CSMD1: variants seen among roughly 807,000 people sequenced by gnomAD.
The protein encoded by CSMD1 is CUB and sushi domain-containing protein 1.
Under a neutral mutation model 417.5 loss-of-function variants are expected in CSMD1, and 213 were observed. The ratio of observed to expected loss-of-function variants is 0.51; its 90% confidence interval spans 0.46 to 0.57. CSMD1 has a LOEUF of 0.57. Among genes scored for constraint, CSMD1 ranks in the 20% least tolerant of loss-of-function variants. The pLI is 0.00. For missense variants in CSMD1, 6,923 were observed against 4,529.7 expected (o/e 1.53, Z -15.17); for synonymous variants, 2,862 against 1,736.8 (o/e 1.65, Z -16.11).
intron 26 of CSMD1, among the ~76,000 whole-genome samples, chr8:3,267,864 G>T (rs979982807): frequency 1.3e-5 from 2 of 152,100 alleles, no homozygotes; most frequent in East Asian, 1.9e-4. Context: ...CCCTGGCAGG[G>T]CCATAGGGAC....
intron 10 of CSMD1, among the ~76,000 whole-genome samples, chr8:3,529,915 G>C (rs998078424): frequency 6.6e-6 from 1 of 152,162 alleles, no homozygotes; most frequent in Non-Finnish European, 1.5e-5. Flanking sequence ...GGCCTTTCTA[G>C]TCATAGAATC....
At chr8:3,243,561 C>G (rs1038743662) in intron 26 of CSMD1, among the ~76,000 whole-genome samples, 2 of 151,880 alleles carry the variant, frequency 1.3e-5, no homozygotes, top group African/African-American at 4.8e-5. Context: ...AGGAATTGCA[C>G]AAGATAATGT....
chr8:3,953,150 TA>T (rs201465041), intron 5 of CSMD1, among the ~76,000 whole-genome samples: 27 of 151,238 alleles, frequency 1.8e-4, no homozygotes, highest in African/African-American at 3.4e-4. Flanking sequence ...ATACCATTTA[TA>T]AAAAAAAATC....
chr8:3,970,531 A>C (rs1191033935), intron 5 of CSMD1, among the ~76,000 whole-genome samples: 1 of 152,186 alleles, frequency 6.6e-6, no homozygotes, highest in African/African-American at 2.4e-5. Flanking sequence ...AGGACGATTA[A>C]GGACCCTGAA....
chr8:3,493,005 G>T (rs1027720726), intron 11 of CSMD1, among the ~76,000 whole-genome samples: 3 of 152,110 alleles, frequency 2.0e-5, no homozygotes, highest in Non-Finnish European at 4.4e-5. Context: ...TTAAAAAAGA[G>T]GTGTTGGCTG....
intron 1 of CSMD1, chr8:4,787,660 G>A: frequency 6.3e-7 from 1 of 1,587,386 alleles, no homozygotes; most frequent in African/African-American, 1.3e-5. Context: ...CTGGTGTCAA[G>A]GAAGGATATA....
rs746268570 is a variant in CSMD1, at chr8:3,712,375, G to GGAGA, written c.932-3888_932-3885dup. On this transcript the variant is annotated intron_variant, in intron 6 of 69. Coordinates refer to ENST00000635120, the MANE Select transcript of CSMD1 (RefSeq NM_033225.6). The stretch of plus-strand genomic sequence containing the variant: ...AGAGATTTTCATTTGCAAAGAAACA[G>GGAGA]GAGAGAGAGAGAGAGAGAGAGAGAG... Among the ~76,000 whole-genome samples the GGAGA allele has an allele frequency of 9.3e-3, 1,046 of 112,334 alleles. 7 individuals are homozygous for GGAGA. Among genetic ancestry groups the GGAGA allele is most frequent in the East Asian group, 0.024 (103 of 4,322 alleles). The allele number at this position is 112,334 out of a possible 152,430, so 73.7% of individuals were successfully genotyped here.
At chr8:3,803,741 G>A (rs978937817) in intron 5 of CSMD1, among the ~76,000 whole-genome samples, 1 of 152,160 alleles carries the variant, frequency 6.6e-6, no homozygotes, top group Admixed American at 6.5e-5. Context: ...AGCCAGTGAC[G>A]AATCTTGATT....
At chr8:3,968,057 G>A (rs952980554) in intron 5 of CSMD1, among the ~76,000 whole-genome samples, 6 of 150,570 alleles carry the variant, frequency 4.0e-5, no homozygotes, top group African/African-American at 1.2e-4. Flanking sequence ...AGTGGTGGCG[G>A]GCGCCTGTAG....
intron 1 of CSMD1, among the ~76,000 whole-genome samples, chr8:4,753,959 G>C (rs1811506831): frequency 1.3e-5 from 2 of 152,148 alleles, no homozygotes; most frequent in South Asian, 4.1e-4. Flanking sequence ...ATTTAAAAAA[G>C]CAAATGAACA....
At chr8:3,958,680 G>T (rs1326127826) in intron 5 of CSMD1, among the ~76,000 whole-genome samples, 1 of 152,098 alleles carries the variant, frequency 6.6e-6, no homozygotes, top group African/African-American at 2.4e-5. Flanking sequence ...GTCAAAGAGG[G>T]AAATGGATCA....
intron 5 of CSMD1, among the ~76,000 whole-genome samples, chr8:3,874,522 G>A (rs1017786999): frequency 8.5e-5 from 13 of 152,144 alleles, no homozygotes; most frequent in Non-Finnish European, 1.3e-4. Flanking sequence ...TGCTGTCGGC[G>A]TTCATTGAAG....
At chr8:3,197,451 T>C (rs1796761571) in intron 33 of CSMD1, among the ~76,000 whole-genome samples, 1 of 145,598 alleles carries the variant, frequency 6.9e-6, no homozygotes, top group Non-Finnish European at 1.5e-5. Flanking sequence ...TTCTATAATA[T>C]AGCTCAAATA....
At chr8:4,814,257 T>C (rs1019192119) in intron 1 of CSMD1, among the ~76,000 whole-genome samples, 5 of 152,138 alleles carry the variant, frequency 3.3e-5, no homozygotes, top group Non-Finnish European at 7.4e-5. Flanking sequence ...TGTATGTGTG[T>C]GGTGGGGGAT....
intron 41 of CSMD1, among the ~76,000 whole-genome samples, chr8:3,134,362 G>C (rs1415682184): frequency 6.6e-6 from 1 of 152,132 alleles, no homozygotes; most frequent in Admixed American, 6.5e-5. Flanking sequence ...TGGATTCCAC[G>C]GTCACAGGCA....
intron 3 of CSMD1, among the ~76,000 whole-genome samples, chr8:4,101,370 C>G (rs1053593076): frequency 6.6e-6 from 1 of 152,166 alleles, no homozygotes; most frequent in Non-Finnish European, 1.5e-5. Context: ...CACATTCCAT[C>G]TGGGGCCCTG....
At chr8:4,040,801 G>T (rs142262382) in intron 3 of CSMD1, among the ~76,000 whole-genome samples, 1 of 152,134 alleles carries the variant, frequency 6.6e-6, no homozygotes. Context: ...ATTTTCAAAA[G>T]ATTTTTAATA....
At chr8:4,085,634 GA>G (rs751348923) in intron 3 of CSMD1, among the ~76,000 whole-genome samples, 2 of 152,066 alleles carry the variant, frequency 1.3e-5, no homozygotes, top group African/African-American at 2.4e-5. Flanking sequence ...TGTGCTAAGT[GA>G]AAAAAACCAG....
chr8:4,407,587 C>T (rs1314724808), intron 3 of CSMD1, among the ~76,000 whole-genome samples: 2 of 152,144 alleles, frequency 1.3e-5, no homozygotes. Flanking sequence ...TGATACCTCA[C>T]TTAAATTTCT....
Sources: allele counts gnomAD v4.1 joint callset (sites outside exome capture counted in the v4.1 genomes callset), GRCh38; gene constraint gnomAD v4.1.1; transcripts MANE v1.5; gene names NCBI Gene and HGNC (gene_info 2026-07-23, HGNC 2026-07-21).